CLIP4: variants seen among roughly 807,000 people sequenced by gnomAD.
CLIP4 encodes CAP-Gly domain containing linker protein family member 4.
CLIP4 carries 47 observed loss-of-function variants against 73.1 expected under a neutral mutation model. The observed-to-expected ratio is 0.64, with a 90% CI of 0.51 to 0.82. The LOEUF is 0.82. CLIP4 is among the 40% of genes least tolerant of loss of function. The pLI, the probability that CLIP4 is intolerant of heterozygous loss-of-function variation, is 0.00. For missense variants in CLIP4, 874 were observed against 852.9 expected (o/e 1.02, Z -0.31); for synonymous variants, 306 against 295.4 (o/e 1.04, Z -0.37).
chr2:29,126,243 A>C (rs922186565), intron 2 of CLIP4, among the ~76,000 whole-genome samples: 1 of 152,236 alleles, frequency 6.6e-6, no homozygotes, highest in African/African-American at 2.4e-5. Context: ...TTGCAACAGC[A>C]TAAAAAATAC....
intron 2 of CLIP4, among the ~76,000 whole-genome samples, chr2:29,129,325 A>G (rs1381289451): frequency 6.6e-6 from 1 of 152,170 alleles, no homozygotes; most frequent in Non-Finnish European, 1.5e-5. Flanking sequence ...CCCAAGTCAC[A>G]TGAACTTGAA....
In CLIP4 at chr2:29,138,548, C is replaced by T. The variant is rs909962950; in HGVS notation, c.648+2882C>T. ...CAGTTTTTTCTAATCCTGTGAAAAA[C>T]GATGTTGGAAATTTGATAGGAAGAC... On this transcript the variant is annotated intron_variant, in intron 6 of 15. Coordinates refer to ENST00000320081, the MANE Select transcript of CLIP4 (RefSeq NM_024692.6). Among the ~76,000 whole-genome samples, 6 of 150,584 alleles carry T rather than the reference C, an allele frequency of 4.0e-5. No individual in the cohort carries two copies. In the South Asian group the frequency reaches 6.3e-4, roughly 16 times the overall value.
chr2:29,100,920 A>G (rs937535248), intron 1 of CLIP4, among the ~76,000 whole-genome samples: 1 of 152,084 alleles, frequency 6.6e-6, no homozygotes, highest in African/African-American at 2.4e-5. Context: ...TTATTAGGAG[A>G]GTTGACTCAC....
In CLIP4 at chr2:29,145,511, A is replaced by G. The variant is rs889665832; in HGVS notation, c.1021+144A>G. On this transcript the variant is annotated intron_variant, in intron 8 of 15. Coordinates refer to ENST00000320081, the MANE Select transcript of CLIP4 (RefSeq NM_024692.6). Reference sequence around the variant, plus strand: ...TGGATGTAGGGAGGACTTTTTAAAGATAGGAGATAGTTATATTTATTTACA... The same window carrying G: ...TGGATGTAGGGAGGACTTTTTAAAGGTAGGAGATAGTTATATTTATTTACA... 4.8e-6 allele frequency: 3 copies of G among 623,602 alleles called. No individual in the cohort carries two copies. In the African/African-American group the frequency reaches 5.6e-5, roughly 12 times the overall value. The allele number at this position is 623,602 out of a possible 1,614,324, so 38.6% of individuals were successfully genotyped here.
In CLIP4 at chr2:29,157,244, T is replaced by A. The variant is rs779758885; in HGVS notation, c.1296T>A (p.Ser432=). The A allele has an allele frequency of 6.2e-7, 1 of 1,614,088 alleles. No individual in the cohort carries two copies. The highest frequency in any genetic ancestry group is 8.5e-7 in the Non-Finnish European group (1 of 1,179,972). Residue 432 remains serine, a synonymous_variant, in exon 11 of 16, where the codon TCT becomes TCA. Transcript: ENST00000320081. ...LGSVSSCSST[S]SLEHRQSYPK... is the part of the protein sequence containing the mutation. ...CTGTCAGCAGCTGCTCCTCTACATC[T>A]TCTTTGGAACACAGACAGAGCTACC...
At chr2:29,130,604 A>G (rs1664904717) in intron 2 of CLIP4, 22 of 1,105,820 alleles carry the variant, frequency 2.0e-5, no homozygotes, top group East Asian at 8.0e-5. Context: ...CTTGGCTTCT[A>G]TTTTGATTTT....
chr2:29,128,205 T>A (rs1358212108), intron 2 of CLIP4, among the ~76,000 whole-genome samples: 2 of 135,270 alleles, frequency 1.5e-5, no homozygotes, highest in Non-Finnish European at 3.2e-5. Context: ...TTTTTTTTTT[T>A]AAAGAAATAG....
chr2:29,138,702 A>T (rs955870346), intron 6 of CLIP4, among the ~76,000 whole-genome samples: 1 of 151,866 alleles, frequency 6.6e-6, no homozygotes, highest in African/African-American at 2.4e-5. Context: ...TATTGTAGAG[A>T]TCTTCCATCT....
intron 8 of CLIP4, among the ~76,000 whole-genome samples, chr2:29,152,066 T>C (rs1666609603): frequency 1.3e-5 from 2 of 152,192 alleles, no homozygotes; most frequent in African/African-American, 2.4e-5. Flanking sequence ...ATCCCTGCTA[T>C]GTGTAACACA....
chr2:29,144,090 A>C (rs930718323), intron 7 of CLIP4, 145 bp downstream of exon 7: 1 of 698,422 alleles, frequency 1.4e-6, no homozygotes, highest in Non-Finnish European at 2.6e-6. Flanking sequence ...TGTAAAACTT[A>C]GATATGAATT....
At chr2:29,154,447 T>A (rs1666787815) in intron 9 of CLIP4, among the ~76,000 whole-genome samples, 2 of 152,194 alleles carry the variant, frequency 1.3e-5, no homozygotes, top group Non-Finnish European at 2.9e-5. Context: ...GAAATCCATG[T>A]CTCTGACCAG....
At chr2:29,161,679 G>A (rs1482673855) in intron 12 of CLIP4, among the ~76,000 whole-genome samples, 2 of 152,170 alleles carry the variant, frequency 1.3e-5, no homozygotes, top group East Asian at 3.9e-4. Context: ...AGCGAGCCAG[G>A]TGTCACCTGC....
At chr2:29,128,713 A>T (rs575302892) in intron 2 of CLIP4, among the ~76,000 whole-genome samples, 2 of 152,276 alleles carry the variant, frequency 1.3e-5, no homozygotes, top group South Asian at 4.1e-4. Flanking sequence ...AGCCAGCTTA[A>T]TCACACAAGA....
chr2:29,154,343 T>G (rs1198871136), intron 9 of CLIP4, among the ~76,000 whole-genome samples: 2 of 152,166 alleles, frequency 1.3e-5, no homozygotes, highest in Non-Finnish European at 2.9e-5. Flanking sequence ...TGCTTGCCTT[T>G]TCTTTCCCTT....
intron 12 of CLIP4, among the ~76,000 whole-genome samples, chr2:29,162,212 T>TA (rs1667339361): frequency 6.6e-6 from 1 of 152,212 alleles, no homozygotes; most frequent in African/African-American, 2.4e-5. Flanking sequence ...TTTAAATTCC[T>TA]AATGTAAAGC....
chr2:29,149,384 A>C (rs996360287), intron 8 of CLIP4, among the ~76,000 whole-genome samples: 5 of 151,120 alleles, frequency 3.3e-5, no homozygotes, highest in Admixed American at 1.3e-4. Flanking sequence ...TCCTTCTTGG[A>C]AGCGTTTAGT....
At chr2:29,174,703 A>G in intron 15 of CLIP4, 1 of 1,101,840 alleles carries the variant, frequency 9.1e-7, no homozygotes, top group South Asian at 4.1e-5. Flanking sequence ...AATAAAAGTT[A>G]AAGGAATTTA....
At chr2:29,141,336 A>G (rs992392216) in intron 6 of CLIP4, among the ~76,000 whole-genome samples, 2 of 152,172 alleles carry the variant, frequency 1.3e-5, no homozygotes, top group Non-Finnish European at 2.9e-5. Context: ...ATGCCTATTA[A>G]GTCTAACTGG....
chr2:29,121,786 C>A (rs750498329), intron 2 of CLIP4, among the ~76,000 whole-genome samples: 7 of 152,040 alleles, frequency 4.6e-5, no homozygotes, highest in Non-Finnish European at 8.8e-5. Flanking sequence ...TTTTAGAAAG[C>A]AATGGTGCTT....
Sources: gnomAD v4.1 joint callset for allele counts (sites outside exome capture counted in the v4.1 genomes callset) on GRCh38, gnomAD v4.1.1 for gene constraint, MANE v1.5 for transcripts, NCBI Gene and HGNC (gene_info 2026-07-23, HGNC 2026-07-21) for gene names.